Variants in LIAT1 observed in about 807,000 individuals in gnomAD.
The protein encoded by LIAT1 is protein LIAT1.
the LIAT1 span, chr17:410,483 G>A: frequency 1.3e-6 from 2 of 1,543,998 alleles, no homozygotes; most frequent in South Asian, 2.4e-5. Context: ...GGACAATGGG[G>A]TACAAGGACA....
chr17:411,082 C>G, the LIAT1 span, among the ~76,000 whole-genome samples: 2 of 152,230 alleles, frequency 1.3e-5, no homozygotes, highest in Non-Finnish European at 2.9e-5. Context: ...TCCTGCCTCC[C>G]CTCCTCCCAC....
the LIAT1 span, chr17:413,902 G>A: frequency 2.5e-5 from 41 of 1,613,232 alleles, no homozygotes; most frequent in East Asian, 8.9e-4. Context: ...AGGCCCTCAA[G>A]GGCTTCCACC....
chr17:410,811 G>A, the LIAT1 span, among the ~76,000 whole-genome samples: 1 of 151,944 alleles, frequency 6.6e-6, no homozygotes, highest in African/African-American at 2.4e-5. Flanking sequence ...TGATGCCCCA[G>A]CCCCACCCGT....
chr17:410,637 A>G, the LIAT1 span: 1 of 1,540,620 alleles, frequency 6.5e-7, no homozygotes, highest in Non-Finnish European at 8.7e-7. Flanking sequence ...GGGGTCTGGC[A>G]AGGGGGACGG....
At chr17:413,951 A>T in the LIAT1 span, 2 of 1,611,398 alleles carry the variant, frequency 1.2e-6, no homozygotes, top group Non-Finnish European at 1.7e-6. Context: ...CACTGACCCC[A>T]ATGCCGAGGA....
At chr17:413,957 G>A in the LIAT1 span, 15 of 1,611,636 alleles carry the variant, frequency 9.3e-6, no homozygotes, top group South Asian at 8.8e-5. Flanking sequence ...CCCCAATGCC[G>A]AGGAGGCCCC....
the LIAT1 span, among the ~76,000 whole-genome samples, chr17:412,903 C>T: frequency 5.2e-4 from 79 of 152,358 alleles, no homozygotes; most frequent in African/African-American, 1.8e-3. Context: ...AGAATAGGGC[C>T]GATCGCCTTT....
chr17:413,076 A>T, the LIAT1 span: 4 of 1,549,284 alleles, frequency 2.6e-6, no homozygotes, highest in Non-Finnish European at 3.5e-6. Flanking sequence ...ATCTTGGGTG[A>T]TTTTGGCACC....
chr17:410,508 G>A, the LIAT1 span: 181,899 of 1,545,072 alleles, frequency 0.12, 12,720 homozygotes, highest in African/African-American at 0.27. Context: ...CGGCGAGGAG[G>A]AGGAGCGGGA....
the LIAT1 span, among the ~76,000 whole-genome samples, chr17:412,829 C>G: frequency 6.6e-6 from 1 of 152,238 alleles, no homozygotes; most frequent in Non-Finnish European, 1.5e-5. Context: ...GGTCCCAGCT[C>G]TGCCACTCGC....
the LIAT1 span, chr17:410,788 G>A: frequency 2.7e-6 from 2 of 731,478 alleles, no homozygotes; most frequent in South Asian, 3.7e-5. Flanking sequence ...ACACATGCCC[G>A]TCAGCAGCAC....
At chr17:413,124 C>G in the LIAT1 span, 4 of 1,609,738 alleles carry the variant, frequency 2.5e-6, no homozygotes, top group Non-Finnish European at 8.5e-7. Flanking sequence ...GCCACAAACA[C>G]TAACCTGCTC....
the LIAT1 span, among the ~76,000 whole-genome samples, chr17:411,002 A>C: frequency 3.3e-5 from 5 of 152,186 alleles, no homozygotes; most frequent in East Asian, 9.7e-4. Context: ...CTCACAAGAC[A>C]CTTTCCCCAC....
the LIAT1 span, chr17:413,144 G>T: frequency 1.2e-6 from 2 of 1,613,540 alleles, no homozygotes; most frequent in East Asian, 2.2e-5. Context: ...CATCTACTCA[G>T]CAGATAAACA....
chr17:410,378 T>G, the LIAT1 span: 2 of 1,520,130 alleles, frequency 1.3e-6, no homozygotes, highest in Non-Finnish European at 1.7e-6. Flanking sequence ...CGGTCCGCGC[T>G]GAGAGTCGCC....
chr17:410,562 A>G, the LIAT1 span: 1 of 1,546,838 alleles, frequency 6.5e-7, no homozygotes, highest in Non-Finnish European at 8.7e-7. Flanking sequence ...GCCCCCCATC[A>G]CAGGCGGCGC....
the LIAT1 span, chr17:414,080 C>T: frequency 6.2e-7 from 1 of 1,614,190 alleles, no homozygotes; most frequent in Non-Finnish European, 8.5e-7. The surrounding 1 kb of genome is among the most constrained non-coding windows in gnomAD (Gnocchi z 4.1). Context: ...CCCAAAGCTT[C>T]TACACTCTGA....
At chr17:413,627 C>T in the LIAT1 span, 2 of 1,559,092 alleles carry the variant, frequency 1.3e-6, no homozygotes, top group Non-Finnish European at 1.7e-6. Context: ...CCCCGAGGCC[C>T]TCAAGGGCTT....
At chr17:411,274 A>G in the LIAT1 span, among the ~76,000 whole-genome samples, 36 of 152,200 alleles carry the variant, frequency 2.4e-4, no homozygotes, top group Middle Eastern at 3.4e-3. Context: ...GACACCCTCA[A>G]CCACTCCCCG....
Sources: allele counts gnomAD v4.1 joint callset (sites outside exome capture counted in the v4.1 genomes callset), GRCh38; gene constraint gnomAD v4.1.1; non-coding constraint Gnocchi (gnomAD v3.1); transcripts MANE v1.5; gene names NCBI Gene and HGNC (gene_info 2026-07-23, HGNC 2026-07-21).